PDE3A: variants seen among roughly 807,000 people sequenced by gnomAD.
PDE3A encodes the protein cGMP-inhibited 3',5'-cyclic phosphodiesterase 3A.
PDE3A carries 43 observed loss-of-function variants against 98.3 expected under a neutral mutation model. The observed-to-expected ratio is 0.44, with a 90% CI of 0.34 to 0.56. The LOEUF is 0.56. Among genes scored for constraint, PDE3A ranks in the 20% least tolerant of loss-of-function variants. The probability of loss-of-function intolerance (pLI) is 0.01; values close to 1 mark genes in which losing one functional copy is unlikely to be tolerated. For synonymous variants in PDE3A, 663 were observed against 567.9 expected, an observed-to-expected ratio of 1.17 and a Z score of -2.38; for missense variants, 1,427 against 1,440.7, an observed-to-expected ratio of 0.99 and a Z score of 0.15.
In PDE3A at chr12:20,440,230, G is replaced by A. The variant is rs201462398; in HGVS notation, c.960+69986G>A. On this transcript the variant is annotated intron_variant, in intron 1 of 15. Transcript: ENST00000359062. Reference sequence around the variant, plus strand: ...ATTGCCTTGCTCCAGGTTTTACAAGGAATAGTTAGGATTTAATTTTTGGCC... The same window carrying A: ...ATTGCCTTGCTCCAGGTTTTACAAGAAATAGTTAGGATTTAATTTTTGGCC... Among the ~76,000 whole-genome samples, 22 of 152,152 alleles carry A rather than the reference G, an allele frequency of 1.4e-4. No individual in the cohort carries two copies. In the East Asian group the frequency reaches 3.5e-3, roughly 24 times the overall value.
In PDE3A at chr12:20,438,332, G is replaced by A. The variant is rs571894375; in HGVS notation, c.960+68088G>A. Among the ~76,000 whole-genome samples the A allele has an allele frequency of 6.6e-5, 10 of 152,266 alleles. No homozygotes were observed. In the South Asian group the frequency reaches 2.1e-3, roughly 32 times the overall value. On this transcript the variant is annotated intron_variant, in intron 1 of 15. Transcript: ENST00000359062. ...AATTCCTCCCTTAAAGAAGTCTGCT[G>A]TATATAATGTTAAGGCAGGGTTGTC...
At chr12:20,670,165 G>A (rs2120413322) in intron 15 of PDE3A, among the ~76,000 whole-genome samples, 1 of 150,908 alleles carries the variant, frequency 6.6e-6, no homozygotes, top group Admixed American at 6.6e-5. Flanking sequence ...AAATATATAT[G>A]CACCCAATAA....
At chr12:20,557,639 C>T (rs1942404137) in intron 2 of PDE3A, among the ~76,000 whole-genome samples, 1 of 152,172 alleles carries the variant, frequency 6.6e-6, no homozygotes, top group Non-Finnish European at 1.5e-5. Flanking sequence ...CTTGTGTTGT[C>T]ATTAAACTTG....
chr12:20,532,342 T>C lies in PDE3A; in HGVS notation c.961-24318T>C, dbSNP rs930553937. On this transcript the variant is annotated intron_variant, in intron 1 of 15. Coordinates refer to ENST00000359062, the MANE Select transcript of PDE3A (RefSeq NM_000921.5). ...GTGTGGGTATTTGAAATTTATGTAG[T>C]TATTTTAAATCATGTAATTTATGCA... 3.1e-5 allele frequency among the ~76,000 whole-genome samples: 3 copies of C among 98,092 alleles called. No homozygotes were observed. In the Admixed American group the frequency reaches 3.8e-4, roughly 12 times the overall value. The allele number at this position is 98,092 out of a possible 152,430, so 64.4% of individuals were successfully genotyped here. A position where few individuals can be genotyped will look rare whatever the true frequency, so the allele number is the denominator to read the frequency against.
At chr12:20,635,187 G>C in intron 8 of PDE3A, 131 bp downstream of exon 8, 2 of 713,346 alleles carry the variant, frequency 2.8e-6, no homozygotes, top group Non-Finnish European at 2.3e-6. Context: ...TTGGGAGGAC[G>C]AAGCGGGCAG....
At chr12:20,672,254 T>C (rs1264661696) in intron 15 of PDE3A, among the ~76,000 whole-genome samples, 3 of 147,610 alleles carry the variant, frequency 2.0e-5, no homozygotes, top group Non-Finnish European at 4.5e-5. Context: ...ATCAATATCG[T>C]GAAAATGGCC....
At chr12:20,667,121 TTTTTTG>T (rs1945334682) in intron 15 of PDE3A, among the ~76,000 whole-genome samples, 1 of 152,174 alleles carries the variant, frequency 6.6e-6, no homozygotes. Flanking sequence ...TTAATAGAAT[TTTTTTG>T]TTTTTGTTTT....
chr12:20,612,937 G>GT (rs1231820936), intron 2 of PDE3A, among the ~76,000 whole-genome samples: 1 of 151,700 alleles, frequency 6.6e-6, no homozygotes, highest in Non-Finnish European at 1.5e-5. Context: ...CACAAATGGA[G>GT]TTTTTTTGTG....
chr12:20,569,360 T>A (rs915126330), intron 2 of PDE3A, among the ~76,000 whole-genome samples: 2 of 152,072 alleles, frequency 1.3e-5, no homozygotes, highest in Admixed American at 1.3e-4. Context: ...GCTTAAAAGA[T>A]AAAGATGTTC....
At chr12:20,377,636 A>G (rs1417036130) in intron 1 of PDE3A, among the ~76,000 whole-genome samples, 1 of 151,872 alleles carries the variant, frequency 6.6e-6, no homozygotes, top group East Asian at 1.9e-4. Flanking sequence ...TTAAAATTAT[A>G]TGTGTAATCT....
intron 1 of PDE3A, among the ~76,000 whole-genome samples, chr12:20,442,426 A>G (rs1203786688): frequency 1.3e-5 from 2 of 152,188 alleles, no homozygotes; most frequent in Non-Finnish European, 2.9e-5. Flanking sequence ...ATGTTCTTTC[A>G]CAATCACATA....
intron 1 of PDE3A, among the ~76,000 whole-genome samples, chr12:20,373,861 T>G (rs950119911): frequency 1.3e-5 from 2 of 152,040 alleles, no homozygotes; most frequent in African/African-American, 4.8e-5. Context: ...GAGAAATGGG[T>G]ATGGTGTTTG....
chr12:20,544,156 A>C (rs1193805925), intron 1 of PDE3A, among the ~76,000 whole-genome samples: 1 of 149,534 alleles, frequency 6.7e-6, no homozygotes, highest in Non-Finnish European at 1.5e-5. Flanking sequence ...AAGATATATA[A>C]ATATAAAACA....
intron 1 of PDE3A, among the ~76,000 whole-genome samples, chr12:20,463,085 T>G (rs1565557225): frequency 6.6e-6 from 1 of 152,170 alleles, no homozygotes; most frequent in African/African-American, 2.4e-5. Flanking sequence ...TCTATACTCT[T>G]GATTATGCCC....
chr12:20,498,767 A>G lies in PDE3A; in HGVS notation c.961-57893A>G, dbSNP rs542567108. Among the ~76,000 whole-genome samples, 10 of 152,304 alleles carry G rather than the reference A, an allele frequency of 6.6e-5. No individual in the cohort carries two copies. In the South Asian group the frequency reaches 2.1e-3, roughly 32 times the overall value. On this transcript the variant is annotated intron_variant, in intron 1 of 15. Transcript: ENST00000359062. ...CCTATCTCTTACTGGTAGAACCTATAAAATTGAACATTTTTTCACAGATAA... is the reference window on the plus strand; with the variant it reads ...CCTATCTCTTACTGGTAGAACCTATGAAATTGAACATTTTTTCACAGATAA...
In PDE3A at chr12:20,629,917, C is replaced by G. The variant is rs768815269; in HGVS notation, c.1550C>G (p.Ala517Gly). The stretch of plus-strand genomic sequence containing the variant: ...TCTCATTCTTTCTCAGGTGCCCTCG[C>G]TAAAATTTCACCTCTTTCATCGCCC... ...AKKQSRPGAL[A>G]KISPLSSPCS... is the part of the protein sequence containing the mutation. The change falls in exon 6 of 16, where the codon GCT becomes GGT. Residue 517 changes from alanine (A) to glycine (G), a missense_variant. Ala to Gly is a moderately conservative substitution (Grantham distance 60). Transcript: ENST00000359062. 3 of 1,613,090 alleles carry G rather than the reference C, an allele frequency of 1.9e-6. No individual in the cohort carries two copies. The highest frequency in any genetic ancestry group is 2.5e-6 in the Non-Finnish European group (3 of 1,179,206).
chr12:20,593,547 GA>G (rs11346487), intron 2 of PDE3A, among the ~76,000 whole-genome samples: 78,078 of 146,622 alleles, frequency 0.53, 20,595 homozygotes, highest in Admixed American at 0.63. Context: ...GCTTTTTAAG[GA>G]AAAAAAAAAA....
chr12:20,651,293 G>A (rs1944909709), intron 14 of PDE3A, among the ~76,000 whole-genome samples: 1 of 152,088 alleles, frequency 6.6e-6, no homozygotes, highest in Non-Finnish European at 1.5e-5. Context: ...GTTTGGCACT[G>A]TGAACCACTC....
At chr12:20,535,107 C>T (rs184710007) in intron 1 of PDE3A, among the ~76,000 whole-genome samples, 82 of 152,236 alleles carry the variant, frequency 5.4e-4, no homozygotes, top group African/African-American at 1.9e-3. Flanking sequence ...GAAATATAGA[C>T]ATGTTCATAT....
Sources: allele counts gnomAD v4.1 joint callset (sites outside exome capture counted in the v4.1 genomes callset), GRCh38; gene constraint gnomAD v4.1.1; transcripts MANE v1.5; gene names NCBI Gene and HGNC (gene_info 2026-07-23, HGNC 2026-07-21).